Variants in GLRA3 observed in about 807,000 individuals in gnomAD.
GLRA3 encodes the protein glycine receptor alpha 3.
GLRA3 carries 44 observed loss-of-function variants against 60.4 expected under a neutral mutation model. The observed-to-expected ratio is 0.73, with a 90% CI of 0.57 to 0.94. The LOEUF is 0.94. Among genes scored for constraint, GLRA3 ranks in the 40% least tolerant of loss-of-function variants. The pLI is 0.00. For synonymous variants in GLRA3, 223 were observed against 192.9 expected, an observed-to-expected ratio of 1.16 and a Z score of -1.29; for missense variants, 508 against 564.6, an observed-to-expected ratio of 0.90 and a Z score of 1.02.
At chr4:174,797,161 C>T (rs544185519) in intron 1 of GLRA3, among the ~76,000 whole-genome samples, 2 of 152,042 alleles carry the variant, frequency 1.3e-5, no homozygotes, top group Non-Finnish European at 2.9e-5. Context: ...GAAAAGAAAC[C>T]CAATATTAAT....
At chr4:174,786,261 G>T (rs1265186059) in intron 2 of GLRA3, among the ~76,000 whole-genome samples, 1 of 152,010 alleles carries the variant, frequency 6.6e-6, no homozygotes, top group African/African-American at 2.4e-5. Flanking sequence ...TGTGGGGAAA[G>T]GCACAAAATC....
chr4:174,753,205 G>C (rs907332060), intron 3 of GLRA3, among the ~76,000 whole-genome samples: 1 of 152,146 alleles, frequency 6.6e-6, no homozygotes, highest in Non-Finnish European at 1.5e-5. Flanking sequence ...GTTCTTGTCA[G>C]TCTGGCATGT....
intron 4 of GLRA3, among the ~76,000 whole-genome samples, chr4:174,715,921 G>T (rs1317609263): frequency 2.6e-5 from 4 of 152,144 alleles, no homozygotes; most frequent in Non-Finnish European, 5.9e-5. Context: ...AAGGGCTGTG[G>T]ATGTCTAGAA....
In GLRA3 at chr4:174,713,067, A is replaced by C. The variant is rs138936689; in HGVS notation, c.574+2421T>G. Among the ~76,000 whole-genome samples the C allele has an allele frequency of 8.8e-3, 1,332 of 152,180 alleles. 21 individuals are homozygous for C. Among genetic ancestry groups the C allele is most frequent in the African/African-American group, 0.03 (1,266 of 41,542 alleles). ...AACGCCTTGAAGAACTTGACTTCAG[A>C]AGCTTCTACTTTGACTGACATTAGC... On this transcript the variant is annotated intron_variant, in intron 5 of 9. Coordinates refer to ENST00000274093, the MANE Select transcript of GLRA3 (RefSeq NM_006529.4).
chr4:174,820,117 C>T (rs1033559614), intron 1 of GLRA3, among the ~76,000 whole-genome samples: 3 of 151,992 alleles, frequency 2.0e-5, no homozygotes, highest in African/African-American at 7.3e-5. Context: ...CAAATAAGAA[C>T]AAGTAAGGCA....
At chr4:174,726,622 A>C (rs1236270025) in intron 4 of GLRA3, among the ~76,000 whole-genome samples, 3 of 152,174 alleles carry the variant, frequency 2.0e-5, no homozygotes, top group African/African-American at 7.2e-5. Flanking sequence ...GGATGTACGA[A>C]GCAAAAGGAA....
chr4:174,812,611 GC>G (rs1426231260), intron 1 of GLRA3, among the ~76,000 whole-genome samples: 2 of 152,052 alleles, frequency 1.3e-5, no homozygotes, highest in Admixed American at 6.6e-5. Flanking sequence ...GGTAAATATA[GC>G]ACTAGGAATG....
rs896066007 is a variant in GLRA3 at position 174,816,586 on chromosome 4, A to G, written c.71+12155T>C. ...AAAAGAATAAATATGATTATCTTAC[A>G]TTATTCTCTCTTTTTCTCACATCCA... On this transcript the variant is annotated intron_variant, in intron 1 of 9. Coordinates refer to ENST00000274093, the MANE Select transcript of GLRA3 (RefSeq NM_006529.4). 4.0e-5 allele frequency among the ~76,000 whole-genome samples: 6 copies of G among 149,858 alleles called. No homozygotes were observed. The East Asian group carries it at 7.8e-4, about 19-fold the overall frequency.
At position 174,732,775 on chromosome 4, in the gene GLRA3, C is replaced by A. The variant is rs551517240; in HGVS notation, c.268-4077G>T. On this transcript the variant is annotated intron_variant, in intron 3 of 9. Coordinates refer to ENST00000274093, the MANE Select transcript of GLRA3 (RefSeq NM_006529.4). ...CCAAGCAATTTCTCTCTCTCTCTCT[C>A]TCTATATATATATATATTTATGTGT... is the stretch of plus-strand genomic sequence containing the variant. Among the ~76,000 whole-genome samples, 421 of 147,876 alleles carry A rather than the reference C, an allele frequency of 2.8e-3. 1 individual carries two copies. The highest frequency in any genetic ancestry group is 5.4e-3 in the East Asian group (27 of 4,972).
intron 1 of GLRA3, among the ~76,000 whole-genome samples, chr4:174,797,920 T>G (rs1401776635): frequency 6.7e-6 from 1 of 148,892 alleles, no homozygotes; most frequent in African/African-American, 2.5e-5. Context: ...TGAGACCCTA[T>G]CTCAAAAAAA....
chr4:174,643,863 A>G lies in GLRA3; in HGVS notation c.1318T>C (p.Phe440Leu). Residue 440 changes from phenylalanine to leucine, a missense_variant, in exon 10 of 10, where the codon TTT becomes CTT. Transcript: ENST00000274093. ...CAGTAGAAAATATTAAAAATCAAAA[A>G]AGCTAATGGGAAGCAGGCTCGGGAG... The part of the protein sequence containing the change: ...TISRACFPLA[F>L]LIFNIFYWVI... 6.2e-7 allele frequency: 1 copy of G among 1,614,022 alleles called. No individual in the cohort carries two copies. Among genetic ancestry groups the G allele is most frequent in the Non-Finnish European group, 8.5e-7 (1 of 1,179,912 alleles).
At chr4:174,808,740 A>T (rs1009027614) in intron 1 of GLRA3, among the ~76,000 whole-genome samples, 3 of 152,070 alleles carry the variant, frequency 2.0e-5, no homozygotes, top group African/African-American at 7.2e-5. Context: ...GATTCTCTGT[A>T]GGCACAGGCT....
intron 7 of GLRA3, among the ~76,000 whole-genome samples, chr4:174,674,901 AT>A (rs1734055132): frequency 1.3e-5 from 2 of 152,116 alleles, no homozygotes; most frequent in South Asian, 4.1e-4. Flanking sequence ...CTGGCCCAAA[AT>A]AGTTGCAGAA....
At chr4:174,803,158 T>C (rs759954888) in intron 1 of GLRA3, among the ~76,000 whole-genome samples, 21 of 152,258 alleles carry the variant, frequency 1.4e-4, no homozygotes, top group South Asian at 4.1e-4. Flanking sequence ...CATCATGCAC[T>C]CATTCATTTT....
Position 174,691,515 on chromosome 4 carries a change from G to C in GLRA3, c.575-8576C>G, listed in dbSNP as rs571452277. On this transcript the variant is annotated intron_variant, in intron 5 of 9. Transcript: ENST00000274093. ...CCTGATTCTCCTGCCTCAGCCTGCC[G>C]AGTGCCTGCGATTGCAGGCGCGCGC... 1.2e-4 allele frequency among the ~76,000 whole-genome samples: 18 copies of C among 152,270 alleles called. No homozygotes were observed. The East Asian group carries it at 2.5e-3, about 21-fold the overall frequency.
intron 7 of GLRA3, among the ~76,000 whole-genome samples, chr4:174,662,148 C>T (rs1334558204): frequency 2.0e-5 from 3 of 152,080 alleles, no homozygotes; most frequent in Non-Finnish European, 2.9e-5. Context: ...ATCTTGCAAG[C>T]AATGCCAGCA....
At chr4:174,787,239 C>T (rs1366743014) in intron 2 of GLRA3, among the ~76,000 whole-genome samples, 1 of 152,032 alleles carries the variant, frequency 6.6e-6, no homozygotes, top group African/African-American at 2.4e-5. Flanking sequence ...TATTCACAGA[C>T]ATTTAAAAAT....
chr4:174,718,586 AT>A, intron 4 of GLRA3, among the ~76,000 whole-genome samples: 1 of 152,308 alleles, frequency 6.6e-6, no homozygotes, highest in Non-Finnish European at 1.5e-5. Context: ...GAATTAAAAA[AT>A]GTTTGCTGAC....
At chr4:174,809,802 T>C (rs1175275000) in intron 1 of GLRA3, among the ~76,000 whole-genome samples, 1 of 151,900 alleles carries the variant, frequency 6.6e-6, no homozygotes. Flanking sequence ...ATAAGGGAGG[T>C]AGGACTAAAG....
Sources: gnomAD v4.1 joint callset for allele counts (sites outside exome capture counted in the v4.1 genomes callset) on GRCh38, gnomAD v4.1.1 for gene constraint, MANE v1.5 for transcripts, NCBI Gene and HGNC (gene_info 2026-07-23, HGNC 2026-07-21) for gene names.